The following FAAH2 variants were observed in gnomAD, a reference collection of about 807,000 sequenced individuals.
The protein encoded by FAAH2 is fatty acid amide hydrolase 2, also known as fatty-acid amide hydrolase 2.
In FAAH2, 60 loss-of-function variants were observed where a neutral mutation model predicts 36.9. That is an observed-to-expected ratio of 1.63 (90% CI 1.32 to 2.02). The LOEUF (loss-of-function observed/expected upper bound fraction) is 2.02. FAAH2 is among the 30% of genes most tolerant of loss of function. The pLI is 0.00. For synonymous variants in FAAH2, 214 were observed against 143.8 expected, an observed-to-expected ratio of 1.49 and a Z score of -3.49; for missense variants, 689 against 397.5, an observed-to-expected ratio of 1.73 and a Z score of -6.23.
chrX:57,190,323 C>A, the FAAH2 span, among the ~76,000 whole-genome samples: 1 of 109,946 alleles, frequency 9.1e-6, no homozygotes, highest in Non-Finnish European at 1.9e-5. Flanking sequence ...TGATTCTTAG[C>A]TTGCTGGGCT....
chrX:57,428,421 C>A (rs1216493391), intron 7 of FAAH2, among the ~76,000 whole-genome samples: 1 of 111,635 alleles, frequency 9.0e-6, no homozygotes, highest in Non-Finnish European at 1.9e-5. Context: ...CACAAAAGAG[C>A]TTGCATAGCC....
chrX:57,209,024 G>A, the FAAH2 span, among the ~76,000 whole-genome samples: 1 of 111,525 alleles, frequency 9.0e-6, no homozygotes, highest in South Asian at 3.8e-4. Context: ...GCCAGTTTAT[G>A]GCCAGATTTG....
chrX:57,296,641 G>T (rs372249997), intron 2 of FAAH2, among the ~76,000 whole-genome samples: 68 of 111,554 alleles, frequency 6.1e-4, no homozygotes, highest in African/African-American at 1.3e-3. Flanking sequence ...GGCTTCAGAT[G>T]ATCAAACTAC....
the FAAH2 span, among the ~76,000 whole-genome samples, chrX:57,159,247 G>C: frequency 8.9e-6 from 1 of 111,806 alleles, no homozygotes; most frequent in African/African-American, 3.3e-5. Flanking sequence ...CTGTAGCCTT[G>C]TAGTATAGTT....
the FAAH2 span, among the ~76,000 whole-genome samples, chrX:57,178,063 G>A: frequency 3.6e-5 from 4 of 111,702 alleles, no homozygotes; most frequent in Non-Finnish European, 7.5e-5. Flanking sequence ...ATGCCATAGA[G>A]TGTTTACAAG....
intron 5 of FAAH2, among the ~76,000 whole-genome samples, chrX:57,347,130 T>A (rs1334726193): frequency 9.0e-6 from 1 of 111,619 alleles, no homozygotes; most frequent in Non-Finnish European, 1.9e-5. Flanking sequence ...TTAGGAAAAT[T>A]TTTATGGACT....
the FAAH2 span, among the ~76,000 whole-genome samples, chrX:57,198,144 T>C: frequency 9.0e-6 from 1 of 111,262 alleles, no homozygotes; most frequent in African/African-American, 3.3e-5. Context: ...CAAGAGGTTA[T>C]GATTTGTGTC....
intron 5 of FAAH2, among the ~76,000 whole-genome samples, chrX:57,366,374 A>AGCTT (rs1394168260): frequency 8.9e-6 from 1 of 112,186 alleles, no homozygotes; most frequent in Non-Finnish European, 1.9e-5. Context: ...CCTGGCCCAC[A>AGCTT]GCTTTGTTCT....
At chrX:57,262,995 C>T in the FAAH2 span, among the ~76,000 whole-genome samples, 1 of 111,315 alleles carries the variant, frequency 9.0e-6, no homozygotes, top group Non-Finnish European at 1.9e-5. Flanking sequence ...TACTACAGCT[C>T]ACATCACACA....
chrX:57,433,660 A>C (rs968134819), intron 8 of FAAH2, among the ~76,000 whole-genome samples: 2 of 112,125 alleles, frequency 1.8e-5, no homozygotes, highest in Non-Finnish European at 3.8e-5. Flanking sequence ...ATATACAACA[A>C]AGTACTTTAA....
intron 2 of FAAH2, among the ~76,000 whole-genome samples, chrX:57,302,967 G>GT (rs2052419095): frequency 9.0e-6 from 1 of 111,385 alleles, no homozygotes; most frequent in African/African-American, 3.3e-5. Flanking sequence ...GAGGCCACAT[G>GT]TAAGGGTATC....
chrX:57,201,273 G>A, the FAAH2 span, among the ~76,000 whole-genome samples: 1 of 110,083 alleles, frequency 9.1e-6, no homozygotes, highest in Non-Finnish European at 1.9e-5. Context: ...ACAGAAATTA[G>A]CCTAATGTGT....
rs781041519 is a variant in FAAH2 at position 57,372,635 on chromosome X, T to C, written c.743-6016T>C. 5.4e-5 allele frequency among the ~76,000 whole-genome samples: 6 copies of C among 111,841 alleles called. No individual in the cohort carries two copies. The East Asian group carries it at 1.1e-3, about 21-fold the overall frequency. ...TACTTCTCTTCCTAAACAAAAGTAGTAGTAGAATTTTTAACTAATTAATTA... is the reference window on the plus strand; with the variant it reads ...TACTTCTCTTCCTAAACAAAAGTAGCAGTAGAATTTTTAACTAATTAATTA... On this transcript the variant is annotated intron_variant, in intron 5 of 10. Coordinates refer to ENST00000374900, the MANE Select transcript of FAAH2 (RefSeq NM_174912.4).
At chrX:57,455,649 C>A (rs956760475) in intron 10 of FAAH2, among the ~76,000 whole-genome samples, 2 of 111,765 alleles carry the variant, frequency 1.8e-5, no homozygotes, top group African/African-American at 6.5e-5. Flanking sequence ...GATCAGGAGT[C>A]ATTATTCTTA....
the FAAH2 span, among the ~76,000 whole-genome samples, chrX:57,148,902 T>C: frequency 9.0e-6 from 1 of 111,712 alleles, no homozygotes; most frequent in Non-Finnish European, 1.9e-5. Context: ...GGGTTTGTCA[T>C]AGATAGCTCT....
chrX:57,228,837 T>C, the FAAH2 span, among the ~76,000 whole-genome samples: 2 of 111,625 alleles, frequency 1.8e-5, no homozygotes, highest in Non-Finnish European at 3.8e-5. Flanking sequence ...TCCATGATTC[T>C]GGGGTCTGAT....
intron 10 of FAAH2, among the ~76,000 whole-genome samples, chrX:57,450,699 G>A (rs1428327350): frequency 2.7e-5 from 3 of 110,909 alleles, no homozygotes; most frequent in Admixed American, 9.7e-5. Flanking sequence ...TACAAGATGG[G>A]TACACTAAAT....
intron 3 of FAAH2, among the ~76,000 whole-genome samples, chrX:57,322,147 C>T (rs1409633475): frequency 9.0e-6 from 1 of 111,236 alleles, no homozygotes; most frequent in Non-Finnish European, 1.9e-5. Context: ...AGACTACAGG[C>T]ATCCGCCACC....
the FAAH2 span, among the ~76,000 whole-genome samples, chrX:57,237,931 A>C: frequency 8.9e-6 from 1 of 111,953 alleles, no homozygotes; most frequent in Non-Finnish European, 1.9e-5. Flanking sequence ...GAGAAATGCA[A>C]ATTAAAACCA....
Sources: allele counts gnomAD v4.1 joint callset (sites outside exome capture counted in the v4.1 genomes callset), GRCh38; gene constraint gnomAD v4.1.1; transcripts MANE v1.5; gene names NCBI Gene and HGNC (gene_info 2026-07-23, HGNC 2026-07-21).